Variants in C5 observed in about 807,000 individuals in gnomAD.
The protein encoded by C5 is C3 and PZP-like alpha-2-macroglobulin domain-containing protein 4.
Under a neutral mutation model 218.8 loss-of-function variants are expected in C5, and 140 were observed. The observed-to-expected ratio is 0.64, with a 90% CI of 0.56 to 0.74. The LOEUF is 0.74. C5 is among the 30% of genes least tolerant of loss of function. The pLI is 0.00. For missense variants in C5, 1,700 were observed against 1,969.6 expected (o/e 0.86, Z 2.59); for synonymous variants, 614 against 682.3 (o/e 0.90, Z 1.56).
Position 120,960,340 on chromosome 9 carries a change from G to A in C5, c.4589-3C>T, listed in dbSNP as rs1327363887. 6.2e-7 allele frequency: 1 copy of A among 1,607,258 alleles called. No homozygotes were observed. Among genetic ancestry groups the A allele is most frequent in the Non-Finnish European group, 8.5e-7 (1 of 1,174,710 alleles). On this transcript the variant is annotated splice_polypyrimidine_tract_variant and splice_region_variant and intron_variant, in intron 37 of 40. Coordinates refer to ENST00000223642, the MANE Select transcript of C5 (RefSeq NM_001735.3). ...TTCCTGCATTTGCCCACAATCAGCT[G>A]GATTTTGTGAAAATTGGTAAAAATA...
At chr9:121,013,064 A>C (rs2047275208) in intron 17 of C5, among the ~76,000 whole-genome samples, 1 of 152,204 alleles carries the variant, frequency 6.6e-6, no homozygotes, top group Admixed American at 6.5e-5. Flanking sequence ...TCACGCCTGT[A>C]ATCTCAGCAC....
At chr9:121,057,405 C>G in the C5 span, among the ~76,000 whole-genome samples, 2 of 151,996 alleles carry the variant, frequency 1.3e-5, no homozygotes, top group Non-Finnish European at 2.9e-5. Flanking sequence ...AAAATAGTAA[C>G]TACAATTATT....
At chr9:121,055,146 C>T (rs549526000), upstream of C5, among the ~76,000 whole-genome samples, 13 of 152,132 alleles carry the variant, frequency 8.5e-5, no homozygotes, top group East Asian at 2.1e-3. Context: ...TTCCATGTAT[C>T]GATTTATGTC....
At chr9:120,967,533 A>G (rs2046877825) in intron 33 of C5, among the ~76,000 whole-genome samples, 1 of 152,148 alleles carries the variant, frequency 6.6e-6, no homozygotes, top group African/African-American at 2.4e-5. Flanking sequence ...CCATCCACAG[A>G]TATCACTGTT....
chr9:121,042,306 T>C (rs1373482355), intron 3 of C5, among the ~76,000 whole-genome samples: 1 of 152,240 alleles, frequency 6.6e-6, no homozygotes. Flanking sequence ...ATTCACATGA[T>C]TTTGATTGGC....
In C5 at chr9:120,976,789, G is replaced by T; in HGVS notation, c.3775C>A (p.Leu1259Met). The T allele has an allele frequency of 6.2e-7, 1 of 1,614,078 alleles. No individual in the cohort carries two copies. Among genetic ancestry groups the T allele is most frequent in the South Asian group, 1.1e-5 (1 of 91,082 alleles). ...ETTAYALLTS[L>M]NLKDINYVNP... ...ACATAATTTATATCTTTCAAGTTCA[G>T]ACTGGTGAGTAAAGCATAGGCAGTT... Residue 1259 changes from leucine (L) to methionine (M), a missense_variant, in exon 29 of 41, where the codon CTG (leucine) becomes ATG (methionine). Transcript: ENST00000223642.
chr9:120,961,602 G>T, intron 36 of C5, 37 bp from the exon 37 acceptor site: 1 of 1,302,380 alleles, frequency 7.7e-7, no homozygotes, highest in Non-Finnish European at 1.1e-6. Flanking sequence ...GAAGTGGTTT[G>T]ATTGAAGAAC....
intron 19 of C5, 46 bp from the exon 20 acceptor site, chr9:121,006,104 C>T: frequency 6.3e-7 from 1 of 1,598,944 alleles, no homozygotes; most frequent in African/African-American, 1.3e-5. Context: ...TAGGAAATTC[C>T]TATAATGTTT....
At chr9:121,036,465 T>C (rs891412250) in intron 4 of C5, among the ~76,000 whole-genome samples, 5 of 152,186 alleles carry the variant, frequency 3.3e-5, no homozygotes, top group African/African-American at 9.7e-5. Flanking sequence ...AGAGCATACA[T>C]CCACACCCCT....
chr9:121,067,669 C>T, the C5 span, among the ~76,000 whole-genome samples: 84 of 151,964 alleles, frequency 5.5e-4, no homozygotes, highest in African/African-American at 1.9e-3. Flanking sequence ...GTAATCCCCA[C>T]GTGTCAGGGA....
the C5 span, among the ~76,000 whole-genome samples, chr9:121,061,481 G>A: frequency 6.6e-6 from 1 of 152,176 alleles, no homozygotes; most frequent in Non-Finnish European, 1.5e-5. Context: ...CCAGGAGGTC[G>A]AGGCTGCAGT....
chr9:120,960,152 C>T, intron 38 of C5, 96 bp downstream of exon 38: 1 of 786,248 alleles, frequency 1.3e-6, no homozygotes, highest in South Asian at 1.4e-5. Flanking sequence ...ATGTTGTATT[C>T]ATATAATCAC....
intron 12 of C5, among the ~76,000 whole-genome samples, chr9:121,018,742 A>AAAGGGAGG (rs2047335983): frequency 1.0e-5 from 1 of 99,172 alleles, no homozygotes; most frequent in Non-Finnish European, 2.0e-5. Flanking sequence ...GGAAGGAAGG[A>AAAGGGAGG]AAGGAAGGAA....
intron 8 of C5, among the ~76,000 whole-genome samples, chr9:121,026,705 TAAGAA>T (rs1237919835): frequency 6.6e-6 from 1 of 152,092 alleles, no homozygotes; most frequent in Non-Finnish European, 1.5e-5. Flanking sequence ...AAGAATGTGT[TAAGAA>T]AAGAGGCTAT....
the C5 span, among the ~76,000 whole-genome samples, chr9:121,073,009 A>G: frequency 6.6e-6 from 1 of 152,118 alleles, no homozygotes; most frequent in South Asian, 2.1e-4. Flanking sequence ...TCAGTAAATC[A>G]AAGTAAATCA....
chr9:120,970,504 G>C (rs551799721), intron 31 of C5, among the ~76,000 whole-genome samples: 1 of 152,222 alleles, frequency 6.6e-6, no homozygotes, highest in African/African-American at 2.4e-5. Context: ...ATTCCATGCA[G>C]TCAAATCTGG....
At chr9:121,047,765 A>G (rs973536837) in intron 1 of C5, among the ~76,000 whole-genome samples, 13 of 152,244 alleles carry the variant, frequency 8.5e-5, no homozygotes, top group African/African-American at 3.1e-4. Context: ...ATTACAAAAG[A>G]GAGGAAAGAA....
intron 33 of C5, among the ~76,000 whole-genome samples, chr9:120,964,115 T>C (rs1469581984): frequency 2.0e-5 from 3 of 152,204 alleles, no homozygotes; most frequent in African/African-American, 7.2e-5. Flanking sequence ...TAATGAAGCA[T>C]ATTCCAAGGA....
Position 120,980,222 on chromosome 9 carries a change from G to A in C5, c.3519C>T (p.Asn1173=). 1.9e-6 allele frequency: 3 copies of A among 1,614,160 alleles called. No homozygotes were observed. Among genetic ancestry groups the A allele is most frequent in the African/African-American group, 1.3e-5 (1 of 75,050 alleles). ...CTGGCAGTGTATTTTCAAGCAGAAA[G>A]TTGTCAGCTTTAATTAGAGCTGTGT... The part of the protein sequence containing the change: ...KIDTALIKAD[N]FLLENTLPAQ... Residue 1173 remains asparagine, a synonymous_variant, in exon 28 of 41, where the codon AAC becomes AAT. Coordinates refer to ENST00000223642, the MANE Select transcript of C5 (RefSeq NM_001735.3).
Sources: gnomAD v4.1 joint callset for allele counts (sites outside exome capture counted in the v4.1 genomes callset) on GRCh38, gnomAD v4.1.1 for gene constraint, MANE v1.5 for transcripts, NCBI Gene and HGNC (gene_info 2026-07-23, HGNC 2026-07-21) for gene names.